Variants in KMT2C observed in about 807,000 individuals in gnomAD.
KMT2C encodes the protein histone-lysine N-methyltransferase 2C.
Under a neutral mutation model 507.9 loss-of-function variants are expected in KMT2C, and 88 were observed. The ratio of observed to expected loss-of-function variants is 0.17; its 90% confidence interval spans 0.15 to 0.21. KMT2C has a LOEUF of 0.21. Among genes scored for constraint, KMT2C ranks in the 10% least tolerant of loss-of-function variants. KMT2C has a pLI of 1.00. For synonymous variants in KMT2C, 2,049 were observed against 2,080.8 expected, an observed-to-expected ratio of 0.98 and a Z score of 0.42; for missense variants, 4,954 against 5,957.8, an observed-to-expected ratio of 0.83 and a Z score of 5.55.
chr7:152,249,673 C>CCAA (rs2095531533), intron 13 of KMT2C, among the ~76,000 whole-genome samples: 12 of 34,496 alleles, frequency 3.5e-4, no homozygotes, highest in African/African-American at 7.3e-4. Context: ...CTCCCCCCTC[C>CCAA]AAAAAAAAAA....
chr7:152,150,341 G>A (rs982338197), intron 51 of KMT2C, among the ~76,000 whole-genome samples: 2 of 152,120 alleles, frequency 1.3e-5, no homozygotes, highest in South Asian at 4.1e-4. Context: ...ATTTACGGCC[G>A]GGCGCAGTGG....
At chr7:152,229,227 G>A (rs558131528) in intron 18 of KMT2C, among the ~76,000 whole-genome samples, 2 of 152,106 alleles carry the variant, frequency 1.3e-5, no homozygotes, top group African/African-American at 4.8e-5. Context: ...GACCTCTGCT[G>A]TACAGCTATA....
At chr7:152,426,141 C>G (rs2097815423) in intron 1 of KMT2C, among the ~76,000 whole-genome samples, 1 of 151,324 alleles carries the variant, frequency 6.6e-6, no homozygotes, top group South Asian at 2.1e-4. Context: ...AATCTTTCTT[C>G]TATATATTGG....
At chr7:152,141,097 G>A (rs749936950) in intron 55 of KMT2C, among the ~76,000 whole-genome samples, 1 of 148,884 alleles carries the variant, frequency 6.7e-6, no homozygotes, top group Non-Finnish European at 1.5e-5. Context: ...AAAATTAGCT[G>A]GGCATGGTGG....
rs1469607927 is a variant in KMT2C at position 152,171,254 on chromosome 7, G to A, written c.9453+10C>T. 6.3e-7 allele frequency: 1 copy of A among 1,586,948 alleles called. No individual in the cohort carries two copies. Among genetic ancestry groups the A allele is most frequent in the South Asian group, 1.1e-5 (1 of 87,694 alleles). ...TGCATTCTAGAGGGACTCATTACAGGCAGTGTTACCTGAGGAATGGCCTGT... is the reference window on the plus strand; with the variant it reads ...TGCATTCTAGAGGGACTCATTACAGACAGTGTTACCTGAGGAATGGCCTGT... On this transcript the variant is annotated intron_variant, in intron 40 of 58. Transcript: ENST00000262189.
chr7:152,328,718 G>A (rs1183712807), intron 3 of KMT2C, among the ~76,000 whole-genome samples: 2 of 152,078 alleles, frequency 1.3e-5, no homozygotes, highest in Non-Finnish European at 2.9e-5. Flanking sequence ...AACTTCCAAA[G>A]GATAACAGTG....
At chr7:152,232,119 TCTGCCCACCTCAGC>T (rs2095136982) in intron 16 of KMT2C, among the ~76,000 whole-genome samples, 2 of 152,258 alleles carry the variant, frequency 1.3e-5, no homozygotes, top group South Asian at 2.1e-4. Flanking sequence ...GACCTCATGA[TCTGCCCACCTCAGC>T]CTCCCAAAGT....
chr7:152,205,395 CAAAAAAAAA>C (rs35077313), intron 24 of KMT2C, among the ~76,000 whole-genome samples, 170 bp from the exon 25 acceptor site: 2 of 57,190 alleles, frequency 3.5e-5, no homozygotes, highest in Non-Finnish European at 7.7e-5. Flanking sequence ...TAAAAACGAC[CAAAAAAAAA>C]AAAAAAAAAG....
chr7:152,393,633 G>C (rs1336858870), intron 1 of KMT2C, among the ~76,000 whole-genome samples: 2 of 152,116 alleles, frequency 1.3e-5, no homozygotes, highest in Non-Finnish European at 2.9e-5. Flanking sequence ...AAATCTGTTG[G>C]CCGAGCGCGG....
At chr7:152,189,529 T>C (rs1191767026) in intron 31 of KMT2C, among the ~76,000 whole-genome samples, 3 of 152,176 alleles carry the variant, frequency 2.0e-5, no homozygotes, top group Non-Finnish European at 2.9e-5. Flanking sequence ...AAAAGTCTCA[T>C]ACACGTACAT....
chr7:152,414,612 T>G (rs2097715548), intron 1 of KMT2C, among the ~76,000 whole-genome samples: 1 of 141,056 alleles, frequency 7.1e-6, no homozygotes, highest in African/African-American at 2.6e-5. Flanking sequence ...GGAAAAAATC[T>G]TTTTTTTTTT....
chr7:152,170,112 C>T (rs900359186), intron 40 of KMT2C, among the ~76,000 whole-genome samples: 14 of 152,114 alleles, frequency 9.2e-5, no homozygotes, highest in African/African-American at 2.7e-4. Context: ...GTTGGTTTAA[C>T]ATTTGACATA....
intron 15 of KMT2C, among the ~76,000 whole-genome samples, chr7:152,237,879 C>A (rs551809393): frequency 6.6e-6 from 1 of 152,372 alleles, no homozygotes; most frequent in South Asian, 2.1e-4. Flanking sequence ...CTACAGTAAT[C>A]TCTCAATTTA....
intron 34 of KMT2C, among the ~76,000 whole-genome samples, chr7:152,184,724 A>T (rs2129122809): frequency 6.6e-6 from 1 of 152,220 alleles, no homozygotes. Context: ...CCTTATAGAA[A>T]ATGTCACAGT....
At chr7:152,343,591 G>A (rs1289549449) in intron 2 of KMT2C, among the ~76,000 whole-genome samples, 1 of 151,458 alleles carries the variant, frequency 6.6e-6, no homozygotes, top group Non-Finnish European at 1.5e-5. Flanking sequence ...AAATGACAAA[G>A]AACATCAAAA....
In KMT2C at chr7:152,144,282, C is replaced by CT. The variant is rs1471028810; in HGVS notation, c.14343+430dup. On this transcript the variant is annotated intron_variant, in intron 55 of 58. Transcript: ENST00000262189. The surrounding 1 kb of genome is among the most constrained non-coding windows in gnomAD (Gnocchi z 4.4). ...CCTTACTTGTAAGATAGTCCACAGT[C>CT]TACCAAAAAACATGCACTGATTTCA... Among the ~76,000 whole-genome samples the CT allele has an allele frequency of 6.6e-6, 1 of 152,196 alleles. No individual in the cohort carries two copies. Among genetic ancestry groups the CT allele is most frequent in the Non-Finnish European group, 1.5e-5 (1 of 68,032 alleles).
At chr7:152,224,917 AAAG>A (rs2094882242) in intron 18 of KMT2C, among the ~76,000 whole-genome samples, 1 of 152,076 alleles carries the variant, frequency 6.6e-6, no homozygotes, top group Non-Finnish European at 1.5e-5. Flanking sequence ...ACCAGATTTT[AAAG>A]AAATCAAGTA....
chr7:152,414,421 A>G (rs4726157), intron 1 of KMT2C, among the ~76,000 whole-genome samples: 58,121 of 132,350 alleles, frequency 0.44, 12,241 homozygotes, highest in African/African-American at 0.61. Context: ...CCAGCTACTC[A>G]GGAGGCTGAG....
chr7:152,427,316 A>G (rs1233637943), intron 1 of KMT2C, among the ~76,000 whole-genome samples: 1 of 152,282 alleles, frequency 6.6e-6, no homozygotes, highest in African/African-American at 2.4e-5. Flanking sequence ...CCCGGCCCCC[A>G]GAGTATTAAT....
Sources: gnomAD v4.1 joint callset for allele counts (sites outside exome capture counted in the v4.1 genomes callset) on GRCh38, gnomAD v4.1.1 for gene constraint, Gnocchi (gnomAD v3.1) non-coding constraint, MANE v1.5 for transcripts, NCBI Gene and HGNC (gene_info 2026-07-23, HGNC 2026-07-21) for gene names.